MRE11: variants seen among roughly 807,000 people sequenced by gnomAD.
MRE11 encodes the protein double-strand break repair protein MRE11.
In MRE11, 62 loss-of-function variants were observed where a neutral mutation model predicts 91.7. That is an observed-to-expected ratio of 0.68 (90% CI 0.55 to 0.84). MRE11 has a LOEUF of 0.84. Among genes scored for constraint, MRE11 ranks in the 40% least tolerant of loss-of-function variants. The pLI is 0.00. For missense variants in MRE11, 796 were observed against 852.9 expected (o/e 0.93, Z 0.83); for synonymous variants, 273 against 271.4 (o/e 1.01, Z -0.06).
intron 19 of MRE11, among the ~76,000 whole-genome samples, chr11:94,423,223 G>T (rs1945221050): frequency 6.6e-6 from 1 of 152,158 alleles, no homozygotes; most frequent in Admixed American, 6.5e-5. Context: ...ACCTTGTGGG[G>T]GTTGCCCAAT....
At chr11:94,444,542 A>C (rs1310915939) in intron 16 of MRE11, among the ~76,000 whole-genome samples, 1 of 152,180 alleles carries the variant, frequency 6.6e-6, no homozygotes, top group African/African-American at 2.4e-5. Flanking sequence ...CCATGACTGT[A>C]TTCTCTCCCT....
rs116705909 is a variant in MRE11 at position 94,434,094 on chromosome 11, T to C, written c.1994+1738A>G. Among the ~76,000 whole-genome samples, 921 of 152,302 alleles carry C rather than the reference T, an allele frequency of 6.0e-3. 5 individuals are homozygous for C. The highest frequency in any genetic ancestry group is 0.02 in the African/African-American group (811 of 41,574). On this transcript the variant is annotated intron_variant, in intron 18 of 19. Coordinates refer to ENST00000323929, the MANE Select transcript of MRE11 (RefSeq NM_005591.4). ...AAGATACTGGCACGTCCCTTAGGTTTCATTACACCTGAAGAAAACATTTAT... is the reference window on the plus strand; with the variant it reads ...AAGATACTGGCACGTCCCTTAGGTTCCATTACACCTGAAGAAAACATTTAT...
rs1591718940 is a variant in MRE11 at position 94,485,956 on chromosome 11, G to A, written c.282C>T (p.Leu94=). 6.2e-6 allele frequency: 10 copies of A among 1,613,232 alleles called. No individual in the cohort carries two copies. Among genetic ancestry groups the A allele is most frequent in the African/African-American group, 1.3e-5 (1 of 74,842 alleles). The part of the protein sequence containing the change: ...MGDRPVQFEI[L]SDQSVNFGFS... ...AACCAAAGTTGACTGACTGATCACT[G>A]AGAATTTCAAACTGGACAGGCCGAT... The change falls in exon 4 of 20, where the codon CTC becomes CTT. Residue 94 remains leucine (L), a synonymous_variant. Transcript: ENST00000323929.
At chr11:94,466,239 G>A (rs1946559501) in intron 10 of MRE11, among the ~76,000 whole-genome samples, 1 of 152,186 alleles carries the variant, frequency 6.6e-6, no homozygotes, top group African/African-American at 2.4e-5. Context: ...ACTTTTTCCT[G>A]TTAGTGCTGG....
intron 14 of MRE11, among the ~76,000 whole-genome samples, chr11:94,450,880 G>A (rs1946081656): frequency 6.6e-6 from 1 of 152,084 alleles, no homozygotes; most frequent in South Asian, 2.1e-4. Flanking sequence ...ATAAATATAA[G>A]CACTGGTCCT....
At chr11:94,435,226 T>G (rs1945570370) in intron 18 of MRE11, among the ~76,000 whole-genome samples, 1 of 152,172 alleles carries the variant, frequency 6.6e-6, no homozygotes, top group Non-Finnish European at 1.5e-5. Flanking sequence ...CAAAATTATT[T>G]TCTGTTATTT....
At chr11:94,451,062 A>T (rs1249466042) in intron 14 of MRE11, among the ~76,000 whole-genome samples, 1 of 151,982 alleles carries the variant, frequency 6.6e-6, no homozygotes, top group Non-Finnish European at 1.5e-5. Context: ...AGTCAGGAAG[A>T]TCACTTGAGC....
intron 12 of MRE11, among the ~76,000 whole-genome samples, chr11:94,459,793 G>A (rs1432147537): frequency 4.6e-5 from 7 of 152,176 alleles, no homozygotes; most frequent in Non-Finnish European, 8.8e-5. Flanking sequence ...AGGCCTGATG[G>A]CTAGGATATG....
At chr11:94,435,942 ACT>A (rs773163655) in intron 17 of MRE11, 43 bp from the exon 18 acceptor site, 1 of 1,497,626 alleles carries the variant, frequency 6.7e-7, no homozygotes, top group Non-Finnish European at 9.3e-7. Flanking sequence ...GTGAGAATAG[ACT>A]CTGAATAAAA....
chr11:94,470,243 GGAGA>G (rs931686956), intron 9 of MRE11, among the ~76,000 whole-genome samples: 4 of 152,050 alleles, frequency 2.6e-5, no homozygotes, highest in South Asian at 2.1e-4. Flanking sequence ...AAAGAAACTA[GGAGA>G]GAGATTTAAT....
At chr11:94,496,773 T>G, upstream of MRE11, 1 of 1,613,896 alleles carries the variant, frequency 6.2e-7, no homozygotes, top group Non-Finnish European at 8.5e-7. Flanking sequence ...TTTAACCAAC[T>G]TGAATTGTTG....
chr11:94,448,228 T>C (rs1945996065), intron 14 of MRE11, among the ~76,000 whole-genome samples: 1 of 152,156 alleles, frequency 6.6e-6, no homozygotes, highest in Non-Finnish European at 1.5e-5. Flanking sequence ...TTCTAAAAAA[T>C]TAGTTTTATA....
intron 10 of MRE11, among the ~76,000 whole-genome samples, chr11:94,465,991 A>T (rs1275710997): frequency 6.6e-6 from 1 of 152,188 alleles, no homozygotes; most frequent in African/African-American, 2.4e-5. Context: ...GGATGAGGAC[A>T]CAAAGGAAGA....
the MRE11 span, among the ~76,000 whole-genome samples, chr11:94,504,818 C>T: frequency 2.0e-5 from 3 of 152,116 alleles, no homozygotes; most frequent in East Asian, 5.8e-4. Flanking sequence ...TTGATAAAGA[C>T]TTCATTTTTT....
At chr11:94,457,208 A>G (rs1176455157) in intron 13 of MRE11, among the ~76,000 whole-genome samples, 2 of 152,216 alleles carry the variant, frequency 1.3e-5, no homozygotes, top group East Asian at 3.8e-4. Flanking sequence ...TGTTTCAAAG[A>G]AGGTCAAGTG....
At chr11:94,510,527 T>C in the MRE11 span, among the ~76,000 whole-genome samples, 3 of 152,232 alleles carry the variant, frequency 2.0e-5, no homozygotes, top group Non-Finnish European at 4.4e-5. Flanking sequence ...AATAGCATCA[T>C]GAGTCAATCA....
chr11:94,419,494 G>GAGAGAGAA lies in MRE11; in HGVS notation c.*630_*631insTTCTCTCT. 1 of 231,692 alleles carries GAGAGAGAA rather than the reference G, an allele frequency of 4.3e-6. No homozygotes were observed. Among genetic ancestry groups the GAGAGAGAA allele is most frequent in the African/African-American group, 2.2e-5 (1 of 44,946 alleles). 14.4% of individuals were successfully genotyped at this position (231,692 alleles called of 1,614,324 possible). On this transcript the variant is annotated 3_prime_UTR_variant, in exon 20 of 20. Transcript: ENST00000323929. ...AGAGAGAGAGAGAGAGAGAGAGAGA[G>GAGAGAGAA]AACACCATTAAGGATACAGAATAAT...
At chr11:94,454,959 A>C (rs1296343363) in intron 14 of MRE11, among the ~76,000 whole-genome samples, 1 of 152,216 alleles carries the variant, frequency 6.6e-6, no homozygotes, top group Non-Finnish European at 1.5e-5. Flanking sequence ...GAAATATAAT[A>C]AACGTGTTAA....
chr11:94,479,375 T>C (rs1004889393), intron 5 of MRE11, among the ~76,000 whole-genome samples: 2 of 152,180 alleles, frequency 1.3e-5, no homozygotes, highest in African/African-American at 2.4e-5. Context: ...AAGATAGTTA[T>C]AAAAACACTG....
Sources: gnomAD v4.1 joint callset for allele counts (sites outside exome capture counted in the v4.1 genomes callset) on GRCh38, gnomAD v4.1.1 for gene constraint, MANE v1.5 for transcripts, NCBI Gene and HGNC (gene_info 2026-07-23, HGNC 2026-07-21) for gene names.